ARMH1: variants seen among roughly 807,000 people sequenced by gnomAD.
The protein encoded by ARMH1 is armadillo-like helical domain containing protein 1.
ARMH1 carries 34 observed loss-of-function variants against 50.2 expected under a neutral mutation model. The ratio of observed to expected loss-of-function variants is 0.68; its 90% CI spans 0.51 to 0.90. The LOEUF (loss-of-function observed/expected upper bound fraction) is 0.90. Ranked by LOEUF, ARMH1 falls within the 40% of genes least tolerant of loss-of-function variation. The pLI, the probability that ARMH1 is intolerant of heterozygous loss-of-function variation, is 0.00. For missense variants in ARMH1, 538 were observed against 553.9 expected, an observed-to-expected ratio of 0.97 and a Z score of 0.29; for synonymous variants, 221 against 224.2, an observed-to-expected ratio of 0.99 and a Z score of 0.13.
intron 6 of ARMH1, among the ~76,000 whole-genome samples, chr1:44,712,769 T>C (rs1383081175): frequency 6.6e-6 from 1 of 150,908 alleles, no homozygotes; most frequent in Non-Finnish European, 1.5e-5. Context: ...GTTCAAGCGA[T>C]TCTCCTGCCT....
At chr1:44,698,473 CCATT>C (rs113353620) in intron 4 of ARMH1, among the ~76,000 whole-genome samples, 125 of 152,294 alleles carry the variant, frequency 8.2e-4, no homozygotes, top group African/African-American at 2.7e-3. Context: ...TTTCAGGCAT[CCATT>C]CAAAGATTTG....
chr1:44,703,670 G>A (rs1253428664), intron 5 of ARMH1, among the ~76,000 whole-genome samples: 1 of 151,008 alleles, frequency 6.6e-6, no homozygotes. Context: ...GGAGGTTGCA[G>A]TGAGCCGAGA....
intron 6 of ARMH1, among the ~76,000 whole-genome samples, chr1:44,720,240 G>T (rs1647040992): frequency 6.6e-6 from 1 of 151,538 alleles, no homozygotes; most frequent in African/African-American, 2.4e-5. Flanking sequence ...GGGGTATACG[G>T]GGAGACAGCT....
At chr1:44,699,940 C>G (rs1311250374) in intron 4 of ARMH1, among the ~76,000 whole-genome samples, 1 of 151,966 alleles carries the variant, frequency 6.6e-6, no homozygotes, top group Admixed American at 6.6e-5. Context: ...AGCGATTCTC[C>G]TGCCTCAGCC....
At chr1:44,722,983 G>A (rs1285887733) in intron 6 of ARMH1, among the ~76,000 whole-genome samples, 4 of 151,502 alleles carry the variant, frequency 2.6e-5, no homozygotes, top group African/African-American at 9.7e-5. Context: ...GCTGAGGCAG[G>A]AGAATTGCTT....
At chr1:44,711,462 C>T (rs909586568) in intron 6 of ARMH1, among the ~76,000 whole-genome samples, 2 of 152,240 alleles carry the variant, frequency 1.3e-5, no homozygotes, top group African/African-American at 4.8e-5. Flanking sequence ...GACTTGTTGT[C>T]CATTTGTATT....
intron 6 of ARMH1, among the ~76,000 whole-genome samples, chr1:44,712,774 C>T (rs1646673402): frequency 6.6e-6 from 1 of 150,856 alleles, no homozygotes; most frequent in Non-Finnish European, 1.5e-5. Context: ...AGCGATTCTC[C>T]TGCCTCAGCC....
In ARMH1 at chr1:44,674,828, A is replaced by G. The variant is rs1012655632; in HGVS notation, c.-68A>G. 10 of 161,426 alleles carry G rather than the reference A, an allele frequency of 6.2e-5. No homozygotes were observed. The highest frequency in any genetic ancestry group is 2.5e-4 in the Admixed American group (4 of 15,762). The allele number at this position is 161,426 out of a possible 1,614,324, so 10.0% of individuals were successfully genotyped here. A position where few individuals can be genotyped will look rare whatever the true frequency, so the allele number is the denominator to read the frequency against. ...GTGTGCCCTTTGACTTGCATCGTCTACCTACCTCTGCCATCCTCTACCAGC... is the reference window on the plus strand; with the variant it reads ...GTGTGCCCTTTGACTTGCATCGTCTGCCTACCTCTGCCATCCTCTACCAGC... On this transcript the variant is annotated 5_prime_UTR_variant, in exon 1 of 12. Transcript: ENST00000535358.
Position 44,724,455 on chromosome 1 carries a change from C to T in ARMH1, c.920+63C>T, listed in dbSNP as rs2148807925. On this transcript the variant is annotated intron_variant, in intron 8 of 11. Transcript: ENST00000535358. This position sits in a 1 kb window ranked among gnomAD's most constrained non-coding sequence, Gnocchi z 6.4. ...CTGGCTTGGCGCTGCCGGCGGGCCCCGGGAGCGCTCCGTGCGCCGGGTGGG... is the reference window on the plus strand; with the variant it reads ...CTGGCTTGGCGCTGCCGGCGGGCCCTGGGAGCGCTCCGTGCGCCGGGTGGG... The T allele has an allele frequency of 6.5e-7, 1 of 1,527,678 alleles. No individual in the cohort carries two copies. The highest frequency in any genetic ancestry group is 8.8e-7 in the Non-Finnish European group (1 of 1,138,642). The allele number at this position is 1,527,678 out of a possible 1,614,324, so 94.6% of individuals were successfully genotyped here.
At chr1:44,691,196 T>C (rs1337111044) in intron 2 of ARMH1, among the ~76,000 whole-genome samples, 2 of 151,988 alleles carry the variant, frequency 1.3e-5, no homozygotes, top group Non-Finnish European at 2.9e-5. Context: ...AGGCGGAGGT[T>C]GCAGTGAGCC....
chr1:44,704,412 T>G (rs1054797655), intron 6 of ARMH1, among the ~76,000 whole-genome samples: 3 of 152,162 alleles, frequency 2.0e-5, no homozygotes, highest in Middle Eastern at 3.4e-3. Flanking sequence ...TGGCTCCCAG[T>G]CTTATGTGAT....
At chr1:44,725,060 A>T in intron 10 of ARMH1, 76 bp from the exon 11 acceptor site, 1 of 1,542,038 alleles carries the variant, frequency 6.5e-7, no homozygotes, top group Non-Finnish European at 8.8e-7. Context: ...CACCTGCAAC[A>T]TCCCTCTGCC....
intron 6 of ARMH1, among the ~76,000 whole-genome samples, chr1:44,707,850 G>C (rs909479073): frequency 4.6e-5 from 7 of 152,216 alleles, no homozygotes; most frequent in Admixed American, 4.6e-4. Context: ...AAGAGGCAGT[G>C]GGAACGTGAC....
chr1:44,714,582 T>C (rs1381679255), intron 6 of ARMH1, among the ~76,000 whole-genome samples: 3 of 145,604 alleles, frequency 2.1e-5, no homozygotes, highest in Non-Finnish European at 4.5e-5. Context: ...TGAAACTCCG[T>C]CTCAAAAAAA....
chr1:44,709,225 T>G (rs1646472558), intron 6 of ARMH1, among the ~76,000 whole-genome samples: 1 of 152,222 alleles, frequency 6.6e-6, no homozygotes, highest in Admixed American at 6.5e-5. Context: ...CTCCTTTGCT[T>G]GTTTCTCCTG....
intron 6 of ARMH1, among the ~76,000 whole-genome samples, chr1:44,721,009 C>T (rs1039815464): frequency 6.6e-6 from 1 of 152,050 alleles, no homozygotes; most frequent in Non-Finnish European, 1.5e-5. Context: ...TGTACTCCAG[C>T]CTGGGTGACA....
chr1:44,707,641 C>T (rs1164868033), intron 6 of ARMH1, among the ~76,000 whole-genome samples: 3 of 152,160 alleles, frequency 2.0e-5, no homozygotes, highest in Non-Finnish European at 4.4e-5. Context: ...AGGCTGCCCT[C>T]AAACTCCTGG....
intron 6 of ARMH1, chr1:44,721,933 C>G (rs1057440755): frequency 2.0e-5 from 3 of 152,218 alleles, no homozygotes; most frequent in South Asian, 2.1e-4. Flanking sequence ...GGCTTCCCAG[C>G]TATTGACTGG....
chr1:44,721,628 C>G (rs564787053), intron 6 of ARMH1, among the ~76,000 whole-genome samples: 11 of 152,228 alleles, frequency 7.2e-5, no homozygotes, highest in Admixed American at 2.0e-4. Context: ...GCTTATGAGG[C>G]TGAGGTGGGA....
Sources: gnomAD v4.1 joint callset for allele counts (sites outside exome capture counted in the v4.1 genomes callset) on GRCh38, gnomAD v4.1.1 for gene constraint, Gnocchi (gnomAD v3.1) non-coding constraint, MANE v1.5 for transcripts, NCBI Gene and HGNC (gene_info 2026-07-23, HGNC 2026-07-21) for gene names.